The following BYSL variants were observed in gnomAD, a reference collection of about 807,000 sequenced individuals.
BYSL encodes bystin like.
BYSL carries 21 observed loss-of-function variants against 45.4 expected under a neutral mutation model. The ratio of observed to expected loss-of-function variants is 0.46; its 90% confidence interval spans 0.33 to 0.67. The LOEUF (loss-of-function observed/expected upper bound fraction) is 0.67. BYSL is among the 30% of genes least tolerant of loss of function. The pLI, the probability that BYSL is intolerant of heterozygous loss-of-function variation, is 0.02. For missense variants in BYSL, 522 were observed against 578.5 expected (o/e 0.90, Z 1.00); for synonymous variants, 215 against 231.3 (o/e 0.93, Z 0.64).
In BYSL at chr6:41,931,574, C is replaced by T. The variant is rs199883695; in HGVS notation, c.865+18C>T. 5.1e-5 allele frequency: 83 copies of T among 1,613,912 alleles called. No individual in the cohort carries two copies. Among genetic ancestry groups the T allele is most frequent in the Middle Eastern group, 1.6e-4 (1 of 6,080 alleles). On this transcript the variant is annotated intron_variant, in intron 5 of 6. Coordinates refer to ENST00000230340, the MANE Select transcript of BYSL (RefSeq NM_004053.4). Reference sequence around the variant, plus strand: ...GTTCAAAGGTGGGATCCCAGAGGCACGGAAGAAAGGGAAGGGCTGGAGCTT... The same window carrying T: ...GTTCAAAGGTGGGATCCCAGAGGCATGGAAGAAAGGGAAGGGCTGGAGCTT...
chr6:41,912,608 C>T, the BYSL span, among the ~76,000 whole-genome samples: 6 of 152,000 alleles, frequency 3.9e-5, no homozygotes, highest in Non-Finnish European at 8.8e-5. Flanking sequence ...CTGCCCGCCT[C>T]GGCCTCCCAA....
intron 4 of BYSL, 70 bp from the exon 5 acceptor site, chr6:41,931,326 G>A (rs1425026802): frequency 5.8e-6 from 9 of 1,555,052 alleles, no homozygotes; most frequent in African/African-American, 1.4e-5. Context: ...CACTATCCAT[G>A]GTGATATTTA....
At chr6:41,913,682 A>G in the BYSL span, among the ~76,000 whole-genome samples, 3 of 152,076 alleles carry the variant, frequency 2.0e-5, no homozygotes, top group Admixed American at 6.6e-5. Flanking sequence ...GGCGGATCAC[A>G]AGGTCAGGAG....
At chr6:41,919,857 A>C (rs1582066656), upstream of BYSL, among the ~76,000 whole-genome samples, 1 of 152,208 alleles carries the variant, frequency 6.6e-6, no homozygotes, top group East Asian at 1.9e-4. Flanking sequence ...TCCATTAAGG[A>C]ACACAGGAGG....
At chr6:41,920,990 C>G, upstream of BYSL, 1 of 1,611,520 alleles carries the variant, frequency 6.2e-7, no homozygotes, top group Non-Finnish European at 8.5e-7. Flanking sequence ...CCCACAAAAC[C>G]CCCTGCAGTC....
upstream of BYSL, chr6:41,917,448 G>A: frequency 4.9e-6 from 1 of 203,360 alleles, no homozygotes; most frequent in Non-Finnish European, 1.0e-5. Context: ...GTTAGAGTGG[G>A]GAAGAGTAGA....
chr6:41,921,480 C>T (rs140265944), upstream of BYSL: 14 of 1,475,408 alleles, frequency 9.5e-6, no homozygotes, highest in Middle Eastern at 4.3e-4. Context: ...GCCTCTTGGG[C>T]GCTGGGAGTC....
At chr6:41,910,323 A>T in the BYSL span, among the ~76,000 whole-genome samples, 10 of 152,312 alleles carry the variant, frequency 6.6e-5, no homozygotes, top group African/African-American at 2.4e-4. Flanking sequence ...ATACACATTT[A>T]GTTAAGTAGA....
At chr6:41,919,520 G>T (rs1258426029), upstream of BYSL, among the ~76,000 whole-genome samples, 1 of 152,102 alleles carries the variant, frequency 6.6e-6, no homozygotes, top group African/African-American at 2.4e-5. Flanking sequence ...GCCTTATTTT[G>T]AAATACAAAA....
upstream of BYSL, among the ~76,000 whole-genome samples, chr6:41,918,105 GCCAA>G (rs1218031206): frequency 6.6e-6 from 1 of 152,142 alleles, no homozygotes; most frequent in East Asian, 1.9e-4. Context: ...GTAACCAACT[GCCAA>G]CCAACAACGT....
upstream of BYSL, chr6:41,921,317 T>G (rs540958205): frequency 1.6e-6 from 1 of 610,006 alleles, no homozygotes; most frequent in South Asian, 2.2e-5. Context: ...AGAGCGACAC[T>G]CAAAGACTGC....
intron 1 of BYSL, among the ~76,000 whole-genome samples, chr6:41,923,063 G>A (rs1364151369): frequency 2.0e-5 from 3 of 152,014 alleles, no homozygotes; most frequent in Non-Finnish European, 2.9e-5. Flanking sequence ...CCATCCTGTC[G>A]TAGCCACCAC....
chr6:41,924,357 C>T (rs1413620916), intron 1 of BYSL, among the ~76,000 whole-genome samples: 2 of 152,186 alleles, frequency 1.3e-5, no homozygotes, highest in African/African-American at 4.8e-5. Context: ...AGGCATGAGC[C>T]ACTGCACCCA....
chr6:41,927,630 A>C, intron 2 of BYSL, 94 bp downstream of exon 2: 4 of 1,487,902 alleles, frequency 2.7e-6, no homozygotes, highest in Non-Finnish European at 3.6e-6. Context: ...ACCTTTGGAA[A>C]GGGCCCTGGA....
chr6:41,927,294 A>G lies in BYSL; in HGVS notation c.269-80A>G, dbSNP rs901118308. On this transcript the variant is annotated intron_variant, in intron 1 of 6. Coordinates refer to ENST00000230340, the MANE Select transcript of BYSL (RefSeq NM_004053.4). The stretch of plus-strand genomic sequence containing the variant: ...CACAACCACATGTGAGGCCTGTACT[A>G]CATAATGGCTAAAGTTAAACTGACG... 17 of 1,540,874 alleles carry G rather than the reference A, an allele frequency of 1.1e-5. No homozygotes were observed. The African/African-American group carries it at 1.8e-4, about 16-fold the overall frequency.
At chr6:41,915,648 G>A in the BYSL span, among the ~76,000 whole-genome samples, 1,539 of 152,272 alleles carry the variant, frequency 0.01, 39 homozygotes, top group African/African-American at 0.036. Flanking sequence ...TTAGCCCAGC[G>A]TAGTGGCAGG....
chr6:41,913,561 TAA>T, the BYSL span, among the ~76,000 whole-genome samples: 1 of 152,218 alleles, frequency 6.6e-6, no homozygotes, highest in South Asian at 2.1e-4. Context: ...TCAACAATGA[TAA>T]AAGAGCTCAG....
At chr6:41,927,093 CAA>C (rs79860520) in intron 1 of BYSL, among the ~76,000 whole-genome samples, 20 of 93,238 alleles carry the variant, frequency 2.1e-4, no homozygotes, top group Non-Finnish European at 6.9e-5. Context: ...GACTCCATTT[CAA>C]AAAAAAAAAA....
rs1775474763 is a variant in BYSL at position 41,921,610 on chromosome 6, T to C, written c.48T>C (p.His16=). Residue 16 remains histidine, a synonymous_variant, in exon 1 of 7, where the codon CAT becomes CAC. Coordinates refer to ENST00000230340, the MANE Select transcript of BYSL (RefSeq NM_004053.4). The part of the protein sequence containing the change: ...AARGVGGQEK[H]APLADQILAG... ...GTGGGGTGGGGGGTCAGGAAAAACA[T>C]GCGCCCCTGGCCGATCAGATCCTGG... 1.2e-6 allele frequency: 2 copies of C among 1,602,072 alleles called. No individual in the cohort carries two copies. Among genetic ancestry groups the C allele is most frequent in the Non-Finnish European group, 1.7e-6 (2 of 1,172,722 alleles).
Sources: gnomAD v4.1 joint callset for allele counts (sites outside exome capture counted in the v4.1 genomes callset) on GRCh38, gnomAD v4.1.1 for gene constraint, MANE v1.5 for transcripts, NCBI Gene and HGNC (gene_info 2026-07-23, HGNC 2026-07-21) for gene names.